The following PRDM16 variants were observed in gnomAD, a reference collection of about 807,000 sequenced individuals.
PRDM16 encodes histone-lysine N-methyltransferase PRDM16.
Under a neutral mutation model 110.6 loss-of-function variants are expected in PRDM16, and 23 were observed. That is an observed-to-expected ratio of 0.21 (90% CI 0.15 to 0.29). The LOEUF (loss-of-function observed/expected upper bound fraction) is 0.29. PRDM16 is among the 10% of genes least tolerant of loss of function. The pLI is 1.00. For missense variants in PRDM16, 1,615 were observed against 1,794.3 expected (o/e 0.90, Z 1.81); for synonymous variants, 799 against 781.8 (o/e 1.02, Z -0.37).
chr1:3,083,721 T>C (rs1642085271), intron 1 of PRDM16, among the ~76,000 whole-genome samples: 1 of 152,084 alleles, frequency 6.6e-6, no homozygotes, highest in African/African-American at 2.4e-5. Context: ...AGAGGGGCAG[T>C]TTCCACAGCT....
At chr1:3,283,442 G>T (rs1003295544) in intron 3 of PRDM16, among the ~76,000 whole-genome samples, 16 of 152,150 alleles carry the variant, frequency 1.1e-4, no homozygotes, top group Non-Finnish European at 1.3e-4. Context: ...GCATAGGACA[G>T]CCCCAGGCAG....
rs1376100576 is a variant in PRDM16 at position 3,181,191 on chromosome 1, TACGGTCTTACAC to T, written c.38-4918_38-4907del. ...TCTTACGGTCTTACACACGCAGTCTTACGGTCTTACACACGGTCTTACACACGCAGTCTTACA... is the reference window on the plus strand; with the variant it reads ...TCTTACGGTCTTACACACGCAGTCTTACGGTCTTACACACGCAGTCTTACA... On this transcript the variant is annotated intron_variant, in intron 1 of 16. Coordinates refer to ENST00000270722, the MANE Select transcript of PRDM16 (RefSeq NM_022114.4). Among the ~76,000 whole-genome samples the T allele has an allele frequency of 5.2e-4, 63 of 120,858 alleles. 2 individuals carry two copies. In the South Asian group the frequency reaches 7.5e-3, roughly 14 times the overall value. The allele number at this position is 120,858 out of a possible 152,430, so 79.3% of individuals were successfully genotyped here.
chr1:3,114,203 GCACACACGCACACGAA>G lies in PRDM16; in HGVS notation c.37+44921_37+44936del, dbSNP rs1193379316. Among the ~76,000 whole-genome samples, 98 of 117,688 alleles carry G rather than the reference GCACACACGCACACGAA, an allele frequency of 8.3e-4. 1 individual carries two copies. The highest frequency in any genetic ancestry group is 6.9e-3 in the Middle Eastern group (1 of 144). The allele number at this position is 117,688 out of a possible 152,430, so 77.2% of individuals were successfully genotyped here. ...CACACACGCACACACGCACACGCACGCACACACGCACACGAACACACACGCACACACGCAGTGTAAA... is the reference window on the plus strand; with the variant it reads ...CACACACGCACACACGCACACGCACGCACACACGCACACACGCAGTGTAAA... On this transcript the variant is annotated intron_variant, in intron 1 of 16. Transcript: ENST00000270722.
chr1:3,426,282 G>A, intron 14 of PRDM16, 57 bp downstream of exon 14: 1 of 1,488,818 alleles, frequency 6.7e-7, no homozygotes, highest in Non-Finnish European at 9.3e-7. Context: ...GCCCTGCGTG[G>A]CCACCCTCAG....
chr1:3,275,963 G>A (rs780796899), intron 3 of PRDM16, among the ~76,000 whole-genome samples: 6 of 152,202 alleles, frequency 3.9e-5, no homozygotes, highest in Admixed American at 2.0e-4. Flanking sequence ...CTGTGGGTCT[G>A]TGCACTCCAG....
chr1:3,136,570 A>C (rs751800840), intron 1 of PRDM16, among the ~76,000 whole-genome samples: 64 of 152,248 alleles, frequency 4.2e-4, no homozygotes, highest in Non-Finnish European at 6.5e-4. Context: ...GCTCTGGGCC[A>C]GCTCCAAGGA....
At chr1:3,136,067 C>T (rs956946026) in intron 1 of PRDM16, among the ~76,000 whole-genome samples, 5 of 149,184 alleles carry the variant, frequency 3.4e-5, no homozygotes, top group East Asian at 4.1e-4. Flanking sequence ...CAGGCTGGGG[C>T]GGGGCTGGGG....
intron 14 of PRDM16, among the ~76,000 whole-genome samples, chr1:3,430,588 G>A (rs1024807180): frequency 3.9e-5 from 6 of 152,160 alleles, no homozygotes; most frequent in East Asian, 1.9e-4. Flanking sequence ...ACACCGCCCC[G>A]GCCCTGGTGT....
At chr1:3,072,633 G>C (rs1403250000) in intron 1 of PRDM16, among the ~76,000 whole-genome samples, 1 of 152,158 alleles carries the variant, frequency 6.6e-6, no homozygotes, top group Non-Finnish European at 1.5e-5. Context: ...GGCCAGGCTG[G>C]CTGGGCCCTC....
In PRDM16 at chr1:3,419,443, A is replaced by G. The variant is rs115095869; in HGVS notation, c.2939+699A>G. ...CAACAGGCTTGTCATCCCATTTCAAAGATGAGGGGCCCGAGGCTCAGAGAT... is the reference window on the plus strand; with the variant it reads ...CAACAGGCTTGTCATCCCATTTCAAGGATGAGGGGCCCGAGGCTCAGAGAT... On this transcript the variant is annotated intron_variant, in intron 12 of 16. Coordinates refer to ENST00000270722, the MANE Select transcript of PRDM16 (RefSeq NM_022114.4). Among the ~76,000 whole-genome samples the G allele has an allele frequency of 2.5e-3, 385 of 152,298 alleles. 1 individual carries two copies. Among genetic ancestry groups the G allele is most frequent in the African/African-American group, 9.1e-3 (379 of 41,566 alleles).
chr1:3,070,473 C>A (rs1641723439), intron 1 of PRDM16, among the ~76,000 whole-genome samples: 1 of 149,480 alleles, frequency 6.7e-6, no homozygotes, highest in Admixed American at 6.7e-5. Context: ...TGCAGCGAAG[C>A]GGCCAGCGCC....
intron 12 of PRDM16, among the ~76,000 whole-genome samples, chr1:3,422,802 C>A (rs916271524): frequency 3.3e-5 from 5 of 152,232 alleles, no homozygotes; most frequent in Non-Finnish European, 7.3e-5. Flanking sequence ...CCGCCCAGGG[C>A]AGGCTTTGTG....
intron 3 of PRDM16, among the ~76,000 whole-genome samples, chr1:3,380,142 C>T (rs1250053931): frequency 8.6e-5 from 13 of 150,500 alleles, no homozygotes; most frequent in South Asian, 4.3e-4. Flanking sequence ...ATGCCCCTCC[C>T]GGTGCATGCC....
chr1:3,171,056 G>C (rs1644019728), intron 1 of PRDM16, among the ~76,000 whole-genome samples: 1 of 152,220 alleles, frequency 6.6e-6, no homozygotes, highest in Non-Finnish European at 1.5e-5. Context: ...GTCCCAGCGG[G>C]ACCCCGCACC....
chr1:3,407,010 G>A (rs954308211), intron 8 of PRDM16, among the ~76,000 whole-genome samples: 7 of 152,224 alleles, frequency 4.6e-5, no homozygotes, highest in African/African-American at 1.7e-4. Context: ...TGGGCTCAAG[G>A]CCAGGCTGTG....
At chr1:3,381,481 T>C (rs1157048586) in intron 3 of PRDM16, among the ~76,000 whole-genome samples, 4 of 150,274 alleles carry the variant, frequency 2.7e-5, no homozygotes, top group Non-Finnish European at 4.4e-5. Context: ...CGGCTCACTA[T>C]AGCCTCTTCC....
intron 10 of PRDM16, among the ~76,000 whole-genome samples, chr1:3,414,855 C>T (rs1294179121): frequency 1.3e-5 from 2 of 152,132 alleles, no homozygotes; most frequent in Non-Finnish European, 2.9e-5. Flanking sequence ...GAGAGTGACC[C>T]TCACAGGGCC....
At chr1:3,384,440 GC>G (rs1643161409) in intron 3 of PRDM16, among the ~76,000 whole-genome samples, 1 of 152,248 alleles carries the variant, frequency 6.6e-6, no homozygotes, top group Non-Finnish European at 1.5e-5. Context: ...ACAGTGGACA[GC>G]AGGTCAGGTC....
chr1:3,126,188 CG>C (rs2100672693), intron 1 of PRDM16, among the ~76,000 whole-genome samples: 1 of 152,312 alleles, frequency 6.6e-6, no homozygotes, highest in East Asian at 1.9e-4. Context: ...CCGCTCTTCC[CG>C]GCCCAGCTCC....
Sources: allele counts gnomAD v4.1 joint callset (sites outside exome capture counted in the v4.1 genomes callset), GRCh38; gene constraint gnomAD v4.1.1; transcripts MANE v1.5; gene names NCBI Gene and HGNC (gene_info 2026-07-23, HGNC 2026-07-21).